The following ROBO2 variants were observed in gnomAD, a reference collection of about 807,000 sequenced individuals.
The protein encoded by ROBO2 is roundabout guidance receptor 2.
Under a neutral mutation model 160.8 loss-of-function variants are expected in ROBO2, and 53 were observed. The observed-to-expected ratio is 0.33, with a 90% CI of 0.26 to 0.41. The LOEUF is 0.41. Among genes scored for constraint, ROBO2 ranks in the 10% least tolerant of loss-of-function variants. The pLI is 1.00. For missense variants in ROBO2, 1,577 were observed against 1,722.4 expected, an observed-to-expected ratio of 0.92 and a Z score of 1.49; for synonymous variants, 664 against 611.7, an observed-to-expected ratio of 1.09 and a Z score of -1.26.
intron 2 of ROBO2, among the ~76,000 whole-genome samples, chr3:76,361,347 G>A (rs996697480): frequency 6.6e-6 from 1 of 151,960 alleles, no homozygotes; most frequent in African/African-American, 2.4e-5. Context: ...CAATTTCAGT[G>A]GGATATTGCT....
At chr3:77,122,173 T>C (rs2074842458) in intron 2 of ROBO2, among the ~76,000 whole-genome samples, 1 of 152,176 alleles carries the variant, frequency 6.6e-6, no homozygotes, top group African/African-American at 2.4e-5. Context: ...TACTGAGATG[T>C]AACTCTCTTG....
At chr3:76,398,329 G>T (rs1182444586) in intron 2 of ROBO2, among the ~76,000 whole-genome samples, 1 of 142,694 alleles carries the variant, frequency 7.0e-6, no homozygotes, top group Non-Finnish European at 1.5e-5. Flanking sequence ...CTGTTGTGGG[G>T]TGGGGGGAGG....
chr3:77,281,915 G>A (rs1202699826), intron 2 of ROBO2, among the ~76,000 whole-genome samples: 1 of 152,166 alleles, frequency 6.6e-6, no homozygotes, highest in South Asian at 2.1e-4. Flanking sequence ...ACAGGAGGCG[G>A]AGCTCAGGCG....
intron 2 of ROBO2, among the ~76,000 whole-genome samples, chr3:76,835,625 C>G (rs2067622542): frequency 6.6e-6 from 1 of 151,466 alleles, no homozygotes. Flanking sequence ...CTCCAGGTAC[C>G]AAATAATTTG....
At chr3:76,122,740 C>T (rs2070803588) in intron 2 of ROBO2, among the ~76,000 whole-genome samples, 1 of 152,102 alleles carries the variant, frequency 6.6e-6, no homozygotes, top group Non-Finnish European at 1.5e-5. Flanking sequence ...CCTACGTGCT[C>T]TCTCTGCTTT....
intron 2 of ROBO2, among the ~76,000 whole-genome samples, chr3:76,553,152 A>G (rs1255877305): frequency 1.3e-5 from 2 of 152,194 alleles, no homozygotes; most frequent in Non-Finnish European, 2.9e-5. Flanking sequence ...GGACATCAAC[A>G]TATAAACATA....
chr3:76,033,809 C>T (rs1227500265), intron 2 of ROBO2, among the ~76,000 whole-genome samples: 1 of 152,124 alleles, frequency 6.6e-6, no homozygotes, highest in Admixed American at 6.5e-5. Flanking sequence ...TCTGGAACAC[C>T]ATGGGTCTCT....
chr3:76,964,633 C>T (rs2079935901), intron 2 of ROBO2, among the ~76,000 whole-genome samples: 1 of 152,166 alleles, frequency 6.6e-6, no homozygotes, highest in Admixed American at 6.5e-5. Context: ...ATCTGCATTG[C>T]CTAAGTTGTT....
intron 5 of ROBO2, among the ~76,000 whole-genome samples, chr3:77,511,457 G>T (rs2089386581): frequency 6.6e-6 from 1 of 151,946 alleles, no homozygotes; most frequent in East Asian, 1.9e-4. Flanking sequence ...AGTCTTTTGG[G>T]CCTAGTTACC....
At chr3:77,644,117 C>T (rs13327782) in intron 24 of ROBO2, among the ~76,000 whole-genome samples, 6,037 of 99,004 alleles carry the variant, frequency 0.061, 224 homozygotes, top group African/African-American at 0.14. Context: ...GAGAGACAAT[C>T]TGTAAAAAAA....
intron 2 of ROBO2, among the ~76,000 whole-genome samples, chr3:76,101,098 G>A (rs2069664454): frequency 6.6e-6 from 1 of 152,100 alleles, no homozygotes; most frequent in Non-Finnish European, 1.5e-5. Context: ...AAGAAAACGT[G>A]TAACAGGGAA....
intron 2 of ROBO2, among the ~76,000 whole-genome samples, chr3:77,204,418 T>G (rs2083217005): frequency 6.6e-6 from 1 of 152,236 alleles, no homozygotes; most frequent in Non-Finnish European, 1.5e-5. Context: ...GATAAAGAAT[T>G]AAGGTTCAGC....
intron 1 of ROBO2, among the ~76,000 whole-genome samples, chr3:77,083,744 G>A (rs2068941897): frequency 1.3e-5 from 2 of 152,232 alleles, no homozygotes; most frequent in Non-Finnish European, 2.9e-5. Context: ...GGGATTCTGA[G>A]CATTAGGGAC....
intron 2 of ROBO2, among the ~76,000 whole-genome samples, chr3:76,398,237 A>G (rs1030769534): frequency 2.0e-5 from 3 of 150,660 alleles, no homozygotes; most frequent in Non-Finnish European, 4.4e-5. Context: ...AAAAAACCAA[A>G]CACTGCATGT....
chr3:76,872,752 A>T (rs2072248609), intron 2 of ROBO2, among the ~76,000 whole-genome samples: 1 of 152,002 alleles, frequency 6.6e-6, no homozygotes, highest in Non-Finnish European at 1.5e-5. Context: ...AATTACATAT[A>T]TTTCTGCTTC....
At chr3:77,449,778 A>T (rs2080936676) in intron 2 of ROBO2, among the ~76,000 whole-genome samples, 1 of 152,120 alleles carries the variant, frequency 6.6e-6, no homozygotes, top group African/African-American at 2.4e-5. Flanking sequence ...AGTGAAAAAA[A>T]TAGTGTCTCT....
At chr3:76,345,548 G>A (rs1576568845) in intron 2 of ROBO2, among the ~76,000 whole-genome samples, 2 of 150,018 alleles carry the variant, frequency 1.3e-5, no homozygotes, top group South Asian at 2.1e-4. Context: ...TTTTCCTTGG[G>A]TTCCCTAGCT....
chr3:76,849,922 C>T (rs1410972900), intron 2 of ROBO2, among the ~76,000 whole-genome samples: 4 of 152,174 alleles, frequency 2.6e-5, no homozygotes, highest in Admixed American at 6.5e-5. Context: ...TGTGGTGGCT[C>T]ATGCCTGTAA....
chr3:77,282,294 CTG>C (rs377055835), intron 2 of ROBO2, among the ~76,000 whole-genome samples: 11 of 151,992 alleles, frequency 7.2e-5, no homozygotes, highest in East Asian at 3.9e-4. Flanking sequence ...TTTTAAATAA[CTG>C]AATTACTGCA....
Sources: allele counts gnomAD v4.1 joint callset (sites outside exome capture counted in the v4.1 genomes callset), GRCh38; gene constraint gnomAD v4.1.1; transcripts MANE v1.5; gene names NCBI Gene and HGNC (gene_info 2026-07-23, HGNC 2026-07-21).